The following MAP4 variants were observed in gnomAD, a reference collection of about 807,000 sequenced individuals.
MAP4 encodes the protein microtubule associated protein 4.
Under a neutral mutation model 170.2 loss-of-function variants are expected in MAP4, and 76 were observed. That is an observed-to-expected ratio of 0.45 (90% CI 0.37 to 0.54). The LOEUF (loss-of-function observed/expected upper bound fraction) is 0.54, where lower values mean the gene tolerates loss of function less well. MAP4 is among the 20% of genes least tolerant of loss of function. The pLI is 0.00. For missense variants in MAP4, 2,506 were observed against 2,748.0 expected, an observed-to-expected ratio of 0.91 and a Z score of 1.97; for synonymous variants, 909 against 994.5, an observed-to-expected ratio of 0.91 and a Z score of 1.62.
chr3:47,965,604 T>C (rs1264886650), intron 3 of MAP4, among the ~76,000 whole-genome samples: 1 of 152,250 alleles, frequency 6.6e-6, no homozygotes, highest in Non-Finnish European at 1.5e-5. Context: ...CTAATGAGTA[T>C]GAAGTGATAT....
At chr3:48,022,767 T>C (rs2100111166) in intron 1 of MAP4, among the ~76,000 whole-genome samples, 1 of 152,122 alleles carries the variant, frequency 6.6e-6, no homozygotes, top group Non-Finnish European at 1.5e-5. Flanking sequence ...GGCATGCGCC[T>C]ATAGTCCCAG....
At chr3:48,070,897 C>A (rs1013189944) in intron 1 of MAP4, among the ~76,000 whole-genome samples, 32 of 150,296 alleles carry the variant, frequency 2.1e-4, no homozygotes, top group Admixed American at 2.0e-4. Context: ...TGGTGGTGAG[C>A]GCCTGTAGTC....
chr3:47,880,580 C>T (rs2096556186), intron 10 of MAP4, among the ~76,000 whole-genome samples: 1 of 151,046 alleles, frequency 6.6e-6, no homozygotes, highest in South Asian at 2.1e-4. Context: ...ACCCTAATGC[C>T]TCAGCCTTCC....
intron 3 of MAP4, among the ~76,000 whole-genome samples, chr3:47,928,865 T>C (rs185608853): frequency 6.8e-5 from 10 of 148,092 alleles, no homozygotes; most frequent in Admixed American, 6.7e-4. Context: ...TGGAAAGGTA[T>C]AACATGCTCA....
intron 3 of MAP4, among the ~76,000 whole-genome samples, chr3:47,946,654 C>CAAAA (rs11427271): frequency 0.011 from 434 of 39,912 alleles, 1 homozygote; most frequent in African/African-American, 0.016. Context: ...AACTCCGTCT[C>CAAAA]AAAAAAAAAA....
chr3:47,974,745 ATTG>A, intron 3 of MAP4: 3 of 979,840 alleles, frequency 3.1e-6, no homozygotes, highest in Non-Finnish European at 3.6e-6. Flanking sequence ...ACAATCTTAG[ATTG>A]TTAAGAGTCC....
intron 3 of MAP4, among the ~76,000 whole-genome samples, chr3:47,971,003 C>A (rs2100078379): frequency 6.6e-6 from 1 of 152,122 alleles, no homozygotes; most frequent in Non-Finnish European, 1.5e-5. Context: ...GAGTCCTAAA[C>A]ACTCTAAACG....
Position 47,916,386 on chromosome 3 carries a change from G to A in MAP4, c.1441C>T (p.Leu481Phe). The part of the protein sequence containing the change: ...EVAPVKDMAQ[L>F]PETEIAPAKD... The stretch of plus-strand genomic sequence containing the variant: ...GCCGGGGCTATTTCTGTTTCTGGGA[G>A]TTGAGCCATGTCCTTGACTGGGGCC... The change falls in exon 7 of 21, where the codon CTC (leucine) becomes TTC (phenylalanine). Residue 481 changes from leucine (L) to phenylalanine (F), a missense_variant. Physicochemically the swap from Leu to Phe is conservative, Grantham distance 22 (BLOSUM62 0). Transcript: ENST00000683076. 6.2e-7 allele frequency: 1 copy of A among 1,614,184 alleles called. No individual in the cohort carries two copies. Among genetic ancestry groups the A allele is most frequent in the South Asian group, 1.1e-5 (1 of 91,086 alleles).
At chr3:48,016,112 A>G (rs2100107662) in intron 1 of MAP4, among the ~76,000 whole-genome samples, 1 of 152,220 alleles carries the variant, frequency 6.6e-6, no homozygotes, top group South Asian at 2.1e-4. Flanking sequence ...TTACTAGAAT[A>G]GCTGAGGCCA....
intron 1 of MAP4, among the ~76,000 whole-genome samples, chr3:48,056,946 C>T (rs2100132306): frequency 7.6e-6 from 1 of 132,384 alleles, no homozygotes. Context: ...GGGGGTTCAG[C>T]CCCCCGCCCG....
intron 1 of MAP4, among the ~76,000 whole-genome samples, chr3:48,023,821 T>C (rs1046898564): frequency 1.3e-5 from 2 of 152,122 alleles, no homozygotes; most frequent in Admixed American, 6.6e-5. Flanking sequence ...ATGAAACTAC[T>C]AACAAAAATA....
At chr3:48,058,207 G>C (rs1307169832) in intron 1 of MAP4, among the ~76,000 whole-genome samples, 1 of 152,138 alleles carries the variant, frequency 6.6e-6, no homozygotes, top group Non-Finnish European at 1.5e-5. Flanking sequence ...TTTTCAAAGA[G>C]AAAAATGACT....
At chr3:48,018,209 C>A (rs2100108778), upstream of MAP4, among the ~76,000 whole-genome samples, 1 of 152,156 alleles carries the variant, frequency 6.6e-6, no homozygotes, top group Non-Finnish European at 1.5e-5. Flanking sequence ...GGGGACCCCC[C>A]ACTGTAGTTA....
rs112386343 is a variant in MAP4, at chr3:47,852,732, A to C, written c.*202T>G. The C allele has an allele frequency of 6.5e-7, 1 of 1,528,984 alleles. No individual in the cohort carries two copies. The highest frequency in any genetic ancestry group is 8.8e-7 in the Non-Finnish European group (1 of 1,140,502). 94.7% of individuals were successfully genotyped at this position (1,528,984 alleles called of 1,614,324 possible). A position where few individuals can be genotyped will look rare whatever the true frequency, so the allele number is the denominator to read the frequency against. ...GGGCTGCTGCTGCCCCGGGCACGCA[A>C]AGCAGGAGGGAAGGCGAGCCTAGCG... On this transcript the variant is annotated 3_prime_UTR_variant, in exon 21 of 21. Coordinates refer to ENST00000683076, the MANE Select transcript of MAP4 (RefSeq NM_001385682.1).
intron 3 of MAP4, among the ~76,000 whole-genome samples, chr3:47,943,519 G>A (rs964976398): frequency 1.3e-5 from 2 of 152,134 alleles, no homozygotes; most frequent in African/African-American, 4.8e-5. Context: ...TGAGGCAGAA[G>A]AATTGCTTGA....
At chr3:48,085,191 T>TAAAAAAAAAAAAAA (rs896066878) in intron 1 of MAP4, among the ~76,000 whole-genome samples, 1 of 98,844 alleles carries the variant, frequency 1.0e-5, no homozygotes, top group Admixed American at 1.1e-4. Flanking sequence ...GCTTAATCTT[T>TAAAAAAAAAAAAAA]AAAAAAAAAA....
chr3:48,075,149 T>C (rs1426718577), intron 1 of MAP4, among the ~76,000 whole-genome samples: 2 of 152,170 alleles, frequency 1.3e-5, no homozygotes, highest in East Asian at 1.9e-4. Flanking sequence ...ATGCAGATAG[T>C]AGCAGATAGT....
At chr3:47,873,761 CTAT>C (rs2152327790) in intron 12 of MAP4, among the ~76,000 whole-genome samples, 1 of 152,276 alleles carries the variant, frequency 6.6e-6, no homozygotes, top group African/African-American at 2.4e-5. Flanking sequence ...AAGACTATGA[CTAT>C]TATTCAGAAT....
chr3:48,055,944 G>T (rs2100131010), intron 1 of MAP4, among the ~76,000 whole-genome samples: 1 of 88,372 alleles, frequency 1.1e-5, no homozygotes, highest in Admixed American at 1.1e-4. Context: ...CCCCGTCTGA[G>T]AAGTGAGGAG....
Sources: gnomAD v4.1 joint callset for allele counts (sites outside exome capture counted in the v4.1 genomes callset) on GRCh38, gnomAD v4.1.1 for gene constraint, MANE v1.5 for transcripts, NCBI Gene and HGNC (gene_info 2026-07-23, HGNC 2026-07-21) for gene names.